The following STXBP5L variants were observed in gnomAD, a reference collection of about 807,000 sequenced individuals.
The protein encoded by STXBP5L is syntaxin-binding protein 5-like.
Under a neutral mutation model 144.5 loss-of-function variants are expected in STXBP5L, and 65 were observed. That is an observed-to-expected ratio of 0.45 (90% CI 0.37 to 0.55). The LOEUF (loss-of-function observed/expected upper bound fraction) is 0.55, where lower values mean the gene tolerates loss of function less well. STXBP5L is among the 20% of genes least tolerant of loss of function. The probability of loss-of-function intolerance (pLI) is 0.00; values close to 1 mark genes in which losing one functional copy is unlikely to be tolerated. For missense variants in STXBP5L, 1,298 were observed against 1,405.5 expected (o/e 0.92, Z 1.22); for synonymous variants, 505 against 469.6 (o/e 1.08, Z -0.97).
chr3:121,079,532 T>A (rs991016686), intron 5 of STXBP5L, among the ~76,000 whole-genome samples: 1 of 152,238 alleles, frequency 6.6e-6, no homozygotes, highest in African/African-American at 2.4e-5. Context: ...TTAAAATTTC[T>A]ATTACTGCTA....
intron 20 of STXBP5L, among the ~76,000 whole-genome samples, chr3:121,344,533 A>T (rs1406302133): frequency 6.6e-6 from 1 of 152,124 alleles, no homozygotes; most frequent in Admixed American, 6.6e-5. Flanking sequence ...GACAGGTGCT[A>T]TTTAATTCAT....
At chr3:121,053,670 A>G (rs1948212735) in intron 5 of STXBP5L, among the ~76,000 whole-genome samples, 1 of 152,238 alleles carries the variant, frequency 6.6e-6, no homozygotes, top group Non-Finnish European at 1.5e-5. Context: ...TTCAGGACAT[A>G]GGCATGGGCA....
chr3:121,194,907 CTCTTTTTTT>C (rs1049662460), intron 9 of STXBP5L, among the ~76,000 whole-genome samples: 11 of 123,130 alleles, frequency 8.9e-5, no homozygotes, highest in African/African-American at 2.9e-4. Flanking sequence ...CCTCTTTTCA[CTCTTTTTTT>C]TTTTTTTTTT....
rs1285083653 is a variant in STXBP5L at position 121,381,281 on chromosome 3, T to G, written c.2348-12T>G. ...AACAATTTGTGTGGTTTTTTTTTATTTATTTCCATAGAAAACCGAGAAAAT... is the reference window on the plus strand; with the variant it reads ...AACAATTTGTGTGGTTTTTTTTTATGTATTTCCATAGAAAACCGAGAAAAT... On this transcript the variant is annotated splice_polypyrimidine_tract_variant and intron_variant, in intron 21 of 26. Transcript: ENST00000471454. The G allele has an allele frequency of 6.3e-7, 1 of 1,577,412 alleles. No individual in the cohort carries two copies. The highest frequency in any genetic ancestry group is 1.4e-5 in the African/African-American group (1 of 72,656).
intron 7 of STXBP5L, among the ~76,000 whole-genome samples, chr3:121,152,241 A>G (rs2045958389): frequency 6.6e-6 from 1 of 151,828 alleles, no homozygotes; most frequent in African/African-American, 2.4e-5. Flanking sequence ...TGTCATATAT[A>G]TTTATATTCT....
chr3:121,158,567 C>G (rs1486527290), intron 9 of STXBP5L: 2 of 152,122 alleles, frequency 1.3e-5, no homozygotes, highest in East Asian at 3.8e-4. Flanking sequence ...TAGTCTTTAG[C>G]TGGTTTACTT....
chr3:121,254,139 A>G (rs532042302), intron 15 of STXBP5L, among the ~76,000 whole-genome samples: 2 of 152,194 alleles, frequency 1.3e-5, no homozygotes, highest in Admixed American at 6.5e-5. Context: ...AATGTTTCTC[A>G]TTATTAGATT....
chr3:121,151,605 A>G (rs1047343472), intron 7 of STXBP5L, among the ~76,000 whole-genome samples: 3 of 152,168 alleles, frequency 2.0e-5, no homozygotes, highest in Admixed American at 6.6e-5. Flanking sequence ...TATCCAGTGT[A>G]TAAGAATTTT....
intron 20 of STXBP5L, among the ~76,000 whole-genome samples, chr3:121,334,535 A>C (rs370485535): frequency 1.7e-4 from 25 of 150,036 alleles, no homozygotes; most frequent in African/African-American, 5.0e-4. Context: ...AACACAACAA[A>C]AAAAAAAGAA....
chr3:121,213,489 G>A (rs539804945), intron 10 of STXBP5L, among the ~76,000 whole-genome samples: 2 of 152,204 alleles, frequency 1.3e-5, no homozygotes, highest in South Asian at 4.1e-4. Flanking sequence ...TCATTAGTTA[G>A]TTCTATTTAT....
chr3:120,995,685 C>G (rs182080798), intron 3 of STXBP5L, among the ~76,000 whole-genome samples: 1 of 151,966 alleles, frequency 6.6e-6, no homozygotes, highest in Admixed American at 6.6e-5. Context: ...ACTTAAGTCT[C>G]CTTACCCTAG....
At chr3:121,268,706 G>A (rs529986372) in intron 18 of STXBP5L, among the ~76,000 whole-genome samples, 83 of 152,092 alleles carry the variant, frequency 5.5e-4, no homozygotes, top group Middle Eastern at 3.4e-3. Flanking sequence ...AAAAACCACG[G>A]CCACTTTCTA....
At chr3:121,281,273 G>A (rs1158130076) in intron 19 of STXBP5L, among the ~76,000 whole-genome samples, 2 of 151,974 alleles carry the variant, frequency 1.3e-5, no homozygotes, top group Non-Finnish European at 2.9e-5. Context: ...AGGGTTTTTA[G>A]TGAGGGATCT....
chr3:121,417,745 G>A (rs532607108), intron 25 of STXBP5L, among the ~76,000 whole-genome samples: 5 of 152,312 alleles, frequency 3.3e-5, no homozygotes, highest in South Asian at 4.1e-4. Context: ...GATTACAGGC[G>A]TGAGCCACCG....
chr3:121,134,676 AT>A (rs2045161886), intron 7 of STXBP5L, among the ~76,000 whole-genome samples: 3 of 151,178 alleles, frequency 2.0e-5, no homozygotes, highest in African/African-American at 7.3e-5. Context: ...TGTTCTTGTG[AT>A]AGTTTGCTGA....
At chr3:120,958,226 A>C (rs1180225498) in intron 3 of STXBP5L, among the ~76,000 whole-genome samples, 1 of 152,240 alleles carries the variant, frequency 6.6e-6, no homozygotes, top group Non-Finnish European at 1.5e-5. Context: ...TGAATCTCTG[A>C]ATACACCAAT....
chr3:121,185,070 G>A (rs1033936563), intron 9 of STXBP5L, among the ~76,000 whole-genome samples: 2 of 152,082 alleles, frequency 1.3e-5, no homozygotes, highest in African/African-American at 4.8e-5. Context: ...CACTGAACAT[G>A]GAAAGGAAAA....
At chr3:121,226,776 C>T (rs937247225) in intron 11 of STXBP5L, among the ~76,000 whole-genome samples, 6 of 152,142 alleles carry the variant, frequency 3.9e-5, no homozygotes, top group African/African-American at 1.4e-4. Flanking sequence ...TTCTTAGAAG[C>T]ATAACTTTTC....
chr3:121,270,288 C>A, intron 18 of STXBP5L, among the ~76,000 whole-genome samples: 1 of 144,066 alleles, frequency 6.9e-6, no homozygotes. Flanking sequence ...TTAAGAAATT[C>A]AACATTGATT....
Sources: gnomAD v4.1 joint callset for allele counts (sites outside exome capture counted in the v4.1 genomes callset) on GRCh38, gnomAD v4.1.1 for gene constraint, MANE v1.5 for transcripts, NCBI Gene and HGNC (gene_info 2026-07-23, HGNC 2026-07-21) for gene names.